The following KLF12 variants were observed in gnomAD, a reference collection of about 807,000 sequenced individuals.
The protein encoded by KLF12 is KLF transcription factor 12.
KLF12 carries 9 observed loss-of-function variants against 37.8 expected under a neutral mutation model. The observed-to-expected ratio is 0.24, with a 90% CI of 0.14 to 0.42. KLF12 has a LOEUF of 0.42. KLF12 is among the 10% of genes least tolerant of loss of function. KLF12 has a pLI of 1.00. For missense variants in KLF12, 411 were observed against 516.0 expected (o/e 0.80, Z 1.97); for synonymous variants, 208 against 202.1 (o/e 1.03, Z -0.25).
chr13:73,965,637 A>C (rs531069825), intron 2 of KLF12, among the ~76,000 whole-genome samples: 23 of 152,310 alleles, frequency 1.5e-4, no homozygotes, highest in Non-Finnish European at 2.8e-4. Context: ...CCAAGGGCAG[A>C]TGCAGACAAC....
chr13:74,037,612 A>G (rs1422911995), intron 1 of KLF12, among the ~76,000 whole-genome samples: 1 of 152,178 alleles, frequency 6.6e-6, no homozygotes, highest in Non-Finnish European at 1.5e-5. Flanking sequence ...CATTCTACTT[A>G]AGTTTTGCAA....
At chr13:73,786,939 C>CA (rs1179003553) in intron 5 of KLF12, among the ~76,000 whole-genome samples, 3 of 151,566 alleles carry the variant, frequency 2.0e-5, no homozygotes, top group East Asian at 1.9e-4. Context: ...CAAACACAAA[C>CA]AAAAAAACAA....
chr13:73,738,849 C>A (rs1195508843), intron 6 of KLF12, among the ~76,000 whole-genome samples: 1 of 152,146 alleles, frequency 6.6e-6, no homozygotes, highest in Non-Finnish European at 1.5e-5. Flanking sequence ...GTATTGCAGT[C>A]AGATTACCAG....
intron 5 of KLF12, among the ~76,000 whole-genome samples, chr13:73,783,487 C>T (rs895091950): frequency 6.6e-6 from 1 of 152,078 alleles, no homozygotes. Context: ...TTAGAATGTT[C>T]CTGACACCAA....
intron 3 of KLF12, among the ~76,000 whole-genome samples, chr13:73,854,092 G>A (rs1293301160): frequency 6.6e-6 from 1 of 151,822 alleles, no homozygotes; most frequent in African/African-American, 2.4e-5. Context: ...ACTATTATAG[G>A]GTTATCTTTT....
chr13:74,235,953 T>C, the KLF12 span, among the ~76,000 whole-genome samples: 1 of 151,668 alleles, frequency 6.6e-6, no homozygotes, highest in African/African-American at 2.4e-5. Context: ...TTTTTATTTT[T>C]TTTTATTATA....
upstream of KLF12, among the ~76,000 whole-genome samples, chr13:74,135,418 G>T (rs1381021636): frequency 1.3e-5 from 2 of 151,902 alleles, no homozygotes; most frequent in Non-Finnish European, 2.9e-5. Context: ...CGCTCTCCCC[G>T]GCAGCCCCTC....
At chr13:74,279,710 T>C in the KLF12 span, among the ~76,000 whole-genome samples, 4 of 152,138 alleles carry the variant, frequency 2.6e-5, no homozygotes, top group Non-Finnish European at 5.9e-5. Context: ...AAACATGTGG[T>C]ACAGGAAAAC....
rs576676249 is a variant in KLF12, at chr13:73,690,676, C to T, written c.*4814G>A. 1.3e-5 allele frequency: 2 copies of T among 152,354 alleles called. No individual in the cohort carries two copies. The highest frequency in any genetic ancestry group is 1.9e-4 in the East Asian group (1 of 5,192). 9.4% of individuals were successfully genotyped at this position (152,354 alleles called of 1,614,324 possible). On this transcript the variant is annotated 3_prime_UTR_variant, in exon 8 of 8. Coordinates refer to ENST00000377669, the MANE Select transcript of KLF12 (RefSeq NM_007249.5). ...ACAGAGTTCCCATGGCAATTTCACT[C>T]ATTGTGTGTAAGATATACAAGGCAT... is the stretch of plus-strand genomic sequence containing the variant.
chr13:73,800,516 C>T (rs185277912), intron 5 of KLF12: 6 of 152,170 alleles, frequency 3.9e-5, no homozygotes, highest in Admixed American at 1.3e-4. Context: ...TCATCACTCT[C>T]CTAAAGCTCT....
At chr13:74,200,374 A>T in the KLF12 span, among the ~76,000 whole-genome samples, 1 of 152,120 alleles carries the variant, frequency 6.6e-6, no homozygotes, top group Non-Finnish European at 1.5e-5. Context: ...TGTTTCTGTG[A>T]TTGGAGCATG....
chr13:73,882,404 T>G (rs924762010), intron 3 of KLF12, among the ~76,000 whole-genome samples: 1 of 152,216 alleles, frequency 6.6e-6, no homozygotes, highest in African/African-American at 2.4e-5. Flanking sequence ...GAGGAACATA[T>G]TTGTACTTAG....
chr13:73,741,087 G>A (rs1306438314), intron 6 of KLF12, among the ~76,000 whole-genome samples: 1 of 152,078 alleles, frequency 6.6e-6, no homozygotes, highest in East Asian at 1.9e-4. Flanking sequence ...ACATCGTTCT[G>A]CTGAAGAGTT....
At chr13:73,881,658 T>C (rs1364636158) in intron 3 of KLF12, among the ~76,000 whole-genome samples, 1 of 152,212 alleles carries the variant, frequency 6.6e-6, no homozygotes, top group African/African-American at 2.4e-5. Flanking sequence ...TTGCACAACA[T>C]GATTTTTTTT....
chr13:73,933,403 A>T (rs1452298162), intron 3 of KLF12, among the ~76,000 whole-genome samples: 2 of 152,174 alleles, frequency 1.3e-5, no homozygotes, highest in Non-Finnish European at 2.9e-5. Context: ...TCAAGATGTG[A>T]TCATGTCTTC....
intron 1 of KLF12, among the ~76,000 whole-genome samples, chr13:74,002,750 C>A: frequency 6.6e-6 from 1 of 152,220 alleles, no homozygotes; most frequent in East Asian, 1.9e-4. Flanking sequence ...CAACCATATT[C>A]TAGCAACTGC....
chr13:73,937,516 T>C lies in KLF12; in HGVS notation c.123+6465A>G, dbSNP rs148396738. ...TAACTCTAGGAAAGGGCACTTTACATTCTCTTCAACTAATGAGACTGTGGT... is the reference window on the plus strand; with the variant it reads ...TAACTCTAGGAAAGGGCACTTTACACTCTCTTCAACTAATGAGACTGTGGT... On this transcript the variant is annotated intron_variant, in intron 3 of 7. Transcript: ENST00000377669. Among the ~76,000 whole-genome samples the C allele has an allele frequency of 2.9e-3, 444 of 152,342 alleles. 2 individuals carry two copies. The highest frequency in any genetic ancestry group is 9.9e-3 in the African/African-American group (412 of 41,574).
chr13:73,810,347 C>A (rs1184471540), intron 5 of KLF12, among the ~76,000 whole-genome samples: 1 of 152,032 alleles, frequency 6.6e-6, no homozygotes, highest in African/African-American at 2.4e-5. Context: ...ACATAATATG[C>A]ACGTATTAAA....
chr13:74,068,098 G>A (rs1874021179), intron 1 of KLF12, among the ~76,000 whole-genome samples: 1 of 152,126 alleles, frequency 6.6e-6, no homozygotes, highest in Non-Finnish European at 1.5e-5. Context: ...CATCAGCCAA[G>A]GCACATTTTT....
Sources: gnomAD v4.1 joint callset for allele counts (sites outside exome capture counted in the v4.1 genomes callset) on GRCh38, gnomAD v4.1.1 for gene constraint, MANE v1.5 for transcripts, NCBI Gene and HGNC (gene_info 2026-07-23, HGNC 2026-07-21) for gene names.